DLGAP2: variants seen among roughly 807,000 people sequenced by gnomAD.
The protein encoded by DLGAP2 is disks large-associated protein 2.
DLGAP2 carries 26 observed loss-of-function variants against 100.3 expected under a neutral mutation model. That is an observed-to-expected ratio of 0.26 (90% CI 0.19 to 0.36). DLGAP2 has a LOEUF of 0.36. Ranked by LOEUF, DLGAP2 falls within the 10% of genes least tolerant of loss-of-function variation. The pLI is 1.00. For missense variants in DLGAP2, 1,858 were observed against 1,453.2 expected, an observed-to-expected ratio of 1.28 and a Z score of -4.53; for synonymous variants, 886 against 630.1, an observed-to-expected ratio of 1.41 and a Z score of -6.08.
chr8:886,366 C>G (rs774815454), intron 1 of DLGAP2, among the ~76,000 whole-genome samples: 2 of 151,764 alleles, frequency 1.3e-5, no homozygotes, highest in Non-Finnish European at 2.9e-5. Flanking sequence ...TTTCATCTAT[C>G]TCCTTAAATT....
chr8:1,567,955 T>C (rs948625605), intron 6 of DLGAP2, among the ~76,000 whole-genome samples: 14 of 152,212 alleles, frequency 9.2e-5, no homozygotes, highest in Non-Finnish European at 1.8e-4. Flanking sequence ...GGGTGAGATG[T>C]GCTGCCTACG....
At chr8:1,159,987 G>A (rs1796858755) in intron 2 of DLGAP2, among the ~76,000 whole-genome samples, 1 of 152,098 alleles carries the variant, frequency 6.6e-6, no homozygotes, top group Admixed American at 6.6e-5. Flanking sequence ...TTGTGGAGGC[G>A]TCTTTAAGTG....
chr8:1,132,987 A>G (rs1290347175), intron 2 of DLGAP2, among the ~76,000 whole-genome samples: 2 of 152,210 alleles, frequency 1.3e-5, no homozygotes, highest in African/African-American at 4.8e-5. Context: ...GCAAAGGGCA[A>G]TCCTTGAAGT....
intron 2 of DLGAP2, among the ~76,000 whole-genome samples, chr8:1,126,568 A>G (rs1054604946): frequency 2.6e-5 from 4 of 151,652 alleles, no homozygotes; most frequent in African/African-American, 9.7e-5. Flanking sequence ...GTGAGATCAG[A>G]GGCTTAGACT....
chr8:1,327,908 C>T (rs1051434717), intron 3 of DLGAP2, among the ~76,000 whole-genome samples: 1 of 152,112 alleles, frequency 6.6e-6, no homozygotes, highest in African/African-American at 2.4e-5. Context: ...TTCATTAATT[C>T]TGATGGATCT....
At position 1,641,810 on chromosome 8, in the gene DLGAP2, T is replaced by C. The variant is rs1473731073; in HGVS notation, c.1810+8764T>C. 7.2e-5 allele frequency among the ~76,000 whole-genome samples: 11 copies of C among 152,238 alleles called. No individual in the cohort carries two copies. The East Asian group carries it at 2.1e-3, about 29-fold the overall frequency. On this transcript the variant is annotated intron_variant, in intron 8 of 14. Transcript: ENST00000637795. ...ATAAGTCAGTAGGTGAATAAATTAGTCATTTCAGGTTTTCAGATATTGTGG... is the reference window on the plus strand; with the variant it reads ...ATAAGTCAGTAGGTGAATAAATTAGCCATTTCAGGTTTTCAGATATTGTGG...
chr8:1,358,032 G>A (rs534892144), intron 3 of DLGAP2, among the ~76,000 whole-genome samples: 2 of 152,178 alleles, frequency 1.3e-5, no homozygotes, highest in East Asian at 1.9e-4. Flanking sequence ...GGAAGGAGGG[G>A]AACAGCTGGC....
intron 1 of DLGAP2, among the ~76,000 whole-genome samples, chr8:875,608 A>G (rs894374950): frequency 3.9e-5 from 6 of 152,184 alleles, no homozygotes; most frequent in South Asian, 2.1e-4. Context: ...CTGTGAGTCA[A>G]TTAAACCTCT....
chr8:1,073,669 T>G (rs1237002270), intron 2 of DLGAP2, among the ~76,000 whole-genome samples: 2 of 152,228 alleles, frequency 1.3e-5, no homozygotes, highest in Non-Finnish European at 2.9e-5. Context: ...AGGAGCTGTG[T>G]GTGCATTTTG....
chr8:1,306,642 T>C (rs1800498256), intron 3 of DLGAP2, among the ~76,000 whole-genome samples: 2 of 146,856 alleles, frequency 1.4e-5, no homozygotes, highest in South Asian at 4.4e-4. Flanking sequence ...TTTCAAAACT[T>C]ACTACAGAGC....
rs1585947247 is a variant in DLGAP2, at chr8:863,745, G to A, written c.19-44167G>A. ...GACAGCAGATGCCAGTGCGGATGTG[G>A]AGGGAGGGGAACTCTTACACGCTGT... On this transcript the variant is annotated intron_variant, in intron 1 of 14. Coordinates refer to ENST00000637795, the MANE Select transcript of DLGAP2 (RefSeq NM_001346810.2). Among the ~76,000 whole-genome samples, 5 of 152,206 alleles carry A rather than the reference G, an allele frequency of 3.3e-5. No individual in the cohort carries two copies. The South Asian group carries it at 1.0e-3, about 32-fold the overall frequency.
chr8:1,697,086 T>A, intron 13 of DLGAP2, 61 bp from the exon 14 acceptor site: 2 of 1,418,586 alleles, frequency 1.4e-6, no homozygotes, highest in Non-Finnish European at 1.8e-6. Context: ...AGGAGTGGCC[T>A]CCCCAGCCCT....
chr8:1,354,073 T>G (rs1201479445), intron 3 of DLGAP2, among the ~76,000 whole-genome samples: 1 of 152,200 alleles, frequency 6.6e-6, no homozygotes, highest in Non-Finnish European at 1.5e-5. Context: ...GGGGGCAATG[T>G]TGTATCAGAA....
intron 2 of DLGAP2, among the ~76,000 whole-genome samples, chr8:1,119,159 C>G (rs371806723): frequency 5.3e-5 from 8 of 152,344 alleles, no homozygotes; most frequent in African/African-American, 1.7e-4. Context: ...TTATTTTGCA[C>G]TGAGATGGCA....
chr8:1,279,771 G>A (rs1045815850), intron 3 of DLGAP2, among the ~76,000 whole-genome samples: 1 of 152,218 alleles, frequency 6.6e-6, no homozygotes, highest in Admixed American at 6.5e-5. Context: ...GCCAGCAACA[G>A]AGCCAGAGCA....
chr8:1,672,899 G>C (rs1798726674), intron 10 of DLGAP2, among the ~76,000 whole-genome samples: 1 of 152,134 alleles, frequency 6.6e-6, no homozygotes, highest in South Asian at 2.1e-4. Flanking sequence ...TGTTGGGAGA[G>C]CAAAGATTAC....
At chr8:811,976 C>A (rs563853446) in intron 1 of DLGAP2, among the ~76,000 whole-genome samples, 1 of 152,376 alleles carries the variant, frequency 6.6e-6, no homozygotes, top group East Asian at 1.9e-4. Flanking sequence ...ATGATTGGCA[C>A]TGGCCGGAAT....
chr8:1,309,502 A>G (rs537614493), intron 3 of DLGAP2, among the ~76,000 whole-genome samples: 1 of 152,354 alleles, frequency 6.6e-6, no homozygotes, highest in African/African-American at 2.4e-5. Flanking sequence ...ATAGTCAGTA[A>G]AACTATCCTT....
At position 1,185,709 on chromosome 8, in the gene DLGAP2, TCA is replaced by T. The variant is rs879332226; in HGVS notation, c.74-73126_74-73125del. 6.0e-3 allele frequency among the ~76,000 whole-genome samples: 527 copies of T among 87,154 alleles called. 3 individuals carry two copies. The highest frequency in any genetic ancestry group is 0.01 in the Middle Eastern group (2 of 192). 57.2% of individuals were successfully genotyped at this position (87,154 alleles called of 152,430 possible). A position where few individuals can be genotyped will look rare whatever the true frequency, so the allele number is the denominator to read the frequency against. ...TAGCTGTAAACACACACACTCACAC[TCA>T]CACACACACACACACTCACACTCAC... On this transcript the variant is annotated intron_variant, in intron 2 of 14. Coordinates refer to ENST00000637795, the MANE Select transcript of DLGAP2 (RefSeq NM_001346810.2).
Sources: gnomAD v4.1 joint callset for allele counts (sites outside exome capture counted in the v4.1 genomes callset) on GRCh38, gnomAD v4.1.1 for gene constraint, MANE v1.5 for transcripts, NCBI Gene and HGNC (gene_info 2026-07-23, HGNC 2026-07-21) for gene names.